Variants in DTNA observed in about 807,000 individuals in gnomAD.
The protein encoded by DTNA is dystrophin-related protein 3.
A neutral mutation model predicts 100.7 loss-of-function variants in DTNA; 43 were observed. That is an observed-to-expected ratio of 0.43 (90% CI 0.33 to 0.55). The LOEUF is 0.55. Among genes scored for constraint, DTNA ranks in the 20% least tolerant of loss-of-function variants. The probability of loss-of-function intolerance (pLI) is 0.04; values close to 1 mark genes in which losing one functional copy is unlikely to be tolerated. For missense variants in DTNA, 798 were observed against 953.9 expected, an observed-to-expected ratio of 0.84 and a Z score of 2.15; for synonymous variants, 349 against 347.9, an observed-to-expected ratio of 1.00 and a Z score of -0.04.
chr18:34,697,553 G>GA (rs113085537), intron 1 of DTNA, among the ~76,000 whole-genome samples: 3,689 of 152,104 alleles, frequency 0.024, 174 homozygotes, highest in African/African-American at 0.085. Context: ...TAGAAGGGGA[G>GA]AAAAAAGGTT....
chr18:34,869,838 G>A (rs1475044846), intron 17 of DTNA, among the ~76,000 whole-genome samples: 4 of 152,146 alleles, frequency 2.6e-5, no homozygotes, highest in Admixed American at 6.5e-5. Flanking sequence ...CGGCTAACAC[G>A]GTGAAACCCT....
Position 34,888,417 on chromosome 18 carries a change from C to T in DTNA, c.*683C>T. 1 of 985,806 alleles carries T rather than the reference C, an allele frequency of 1.0e-6. No individual in the cohort carries two copies. The highest frequency in any genetic ancestry group is 1.2e-6 in the Non-Finnish European group (1 of 829,922). 61.1% of individuals were successfully genotyped at this position (985,806 alleles called of 1,614,324 possible). On this transcript the variant is annotated 3_prime_UTR_variant, in exon 23 of 23. Transcript: ENST00000444659. ...GTAGTTGACTCCAAGTCTCTGTGAG[C>T]AGTGACTTGAACCAAACACACCAGG...
At chr18:34,641,343 A>T (rs2059257984) in intron 1 of DTNA, among the ~76,000 whole-genome samples, 1 of 152,142 alleles carries the variant, frequency 6.6e-6, no homozygotes, top group African/African-American at 2.4e-5. Flanking sequence ...TAATACTGGA[A>T]ATTTCTCCTC....
intron 1 of DTNA, among the ~76,000 whole-genome samples, chr18:34,531,543 T>C (rs548231343): frequency 6.6e-6 from 1 of 152,280 alleles, no homozygotes; most frequent in East Asian, 1.9e-4. Flanking sequence ...CTGTTATCTT[T>C]TTGTTTATTA....
intron 1 of DTNA, among the ~76,000 whole-genome samples, chr18:34,641,668 T>C (rs933545231): frequency 1.5e-4 from 23 of 152,246 alleles, no homozygotes; most frequent in African/African-American, 5.1e-4. Flanking sequence ...TTGAATATCA[T>C]TGCGTCTCAA....
intron 1 of DTNA, among the ~76,000 whole-genome samples, chr18:34,592,639 T>C (rs1221906702): frequency 6.6e-6 from 1 of 152,004 alleles, no homozygotes; most frequent in Non-Finnish European, 1.5e-5. Flanking sequence ...TTACAACAAG[T>C]TTTTCTCTAA....
At chr18:34,517,460 C>CATGT (rs57616989) in intron 1 of DTNA, among the ~76,000 whole-genome samples, 8 of 148,882 alleles carry the variant, frequency 5.4e-5, no homozygotes, top group African/African-American at 1.2e-4. Flanking sequence ...TTTATATACA[C>CATGT]GTGTGTGTGT....
rs562880917 is a variant in DTNA, at chr18:34,604,934, A to G, written c.-2+111420A>G. Among the ~76,000 whole-genome samples the G allele has an allele frequency of 2.8e-3, 420 of 152,230 alleles. 2 individuals are homozygous for G. Among genetic ancestry groups the G allele is most frequent in the African/African-American group, 9.2e-3 (382 of 41,552 alleles). ...TCAGAGAGTATGCTTTCTGAGAATTACCCATAACATTTCTTACAATAGGCT... is the reference window on the plus strand; with the variant it reads ...TCAGAGAGTATGCTTTCTGAGAATTGCCCATAACATTTCTTACAATAGGCT... On this transcript the variant is annotated intron_variant, in intron 1 of 19. Transcript: ENST00000283365.
chr18:34,499,818 G>A (rs1254193326), intron 1 of DTNA, among the ~76,000 whole-genome samples: 1 of 152,014 alleles, frequency 6.6e-6, no homozygotes, highest in Non-Finnish European at 1.5e-5. Flanking sequence ...TTGTTTGGGA[G>A]TTTTTTATGC....
chr18:34,818,060 C>A, intron 7 of DTNA, 104 bp from the exon 8 acceptor site: 1 of 1,600,934 alleles, frequency 6.2e-7, no homozygotes, highest in Non-Finnish European at 8.5e-7. Flanking sequence ...CATCTGAAAT[C>A]GTGGTGCAGA....
chr18:34,583,283 T>C (rs944703241), intron 1 of DTNA, among the ~76,000 whole-genome samples: 1 of 152,144 alleles, frequency 6.6e-6, no homozygotes, highest in Non-Finnish European at 1.5e-5. Flanking sequence ...CATTTTAGCA[T>C]TGGGTGTACT....
chr18:34,784,907 A>G (rs914425401), intron 3 of DTNA, among the ~76,000 whole-genome samples: 6 of 151,046 alleles, frequency 4.0e-5, no homozygotes, highest in African/African-American at 1.5e-4. Context: ...TGATTGATGC[A>G]TGGCAACTAG....
rs187158062 is a variant in DTNA at position 34,696,462 on chromosome 18, C to T, written c.-1-59514C>T. 2.3e-3 allele frequency among the ~76,000 whole-genome samples: 348 copies of T among 152,226 alleles called. 2 individuals are homozygous for T. Among genetic ancestry groups the T allele is most frequent in the South Asian group, 3.9e-3 (19 of 4,822 alleles). ...GCCTGGTGGCACATGCCTGTAGTCC[C>T]AGCTACTCGGGGAGCTGAGGCAAGA... On this transcript the variant is annotated intron_variant, in intron 1 of 19. Transcript: ENST00000283365.
chr18:34,864,193 T>C, intron 17 of DTNA, 131 bp downstream of exon 17: 2 of 771,226 alleles, frequency 2.6e-6, no homozygotes, highest in Non-Finnish European at 4.3e-6. Context: ...CAAGCTCAGA[T>C]GTAAAACAAT....
intron 1 of DTNA, among the ~76,000 whole-genome samples, chr18:34,638,961 C>T (rs2058958532): frequency 1.3e-5 from 2 of 152,266 alleles, no homozygotes; most frequent in East Asian, 1.9e-4. Flanking sequence ...CCAGCCTCAG[C>T]CTCCCGAGTA....
intron 3 of DTNA, among the ~76,000 whole-genome samples, chr18:34,789,553 G>T (rs539590160): frequency 6.6e-6 from 1 of 152,246 alleles, no homozygotes; most frequent in African/African-American, 2.4e-5. Flanking sequence ...GTGATTGTGT[G>T]AGTCATGTCT....
chr18:34,876,745 A>G (rs1000255637), intron 18 of DTNA, among the ~76,000 whole-genome samples: 2 of 152,190 alleles, frequency 1.3e-5, no homozygotes, highest in African/African-American at 4.8e-5. Flanking sequence ...AAAAGGAAGG[A>G]TCTATATTAG....
upstream of DTNA, chr18:34,708,255 T>G (rs2146384422): frequency 6.6e-6 from 1 of 152,328 alleles, no homozygotes; most frequent in Non-Finnish European, 1.5e-5. Context: ...TTGTTAGAGA[T>G]CAAGGTGACC....
rs761707471 is a variant in DTNA at position 34,806,204 on chromosome 18, A to G, written c.363-15A>G. 4.3e-6 allele frequency: 7 copies of G among 1,611,162 alleles called. No homozygotes were observed. The highest frequency in any genetic ancestry group is 2.2e-5 in the East Asian group (1 of 44,814). ...TTGTTTTTGTTTTTGTTTTTTTTCT[A>G]TTACCATTAAACAGGGAAGGCCATG... On this transcript the variant is annotated splice_polypyrimidine_tract_variant and intron_variant, in intron 4 of 22. Coordinates refer to ENST00000444659, the MANE Select transcript of DTNA (RefSeq NM_001386795.1).
Sources: allele counts gnomAD v4.1 joint callset (sites outside exome capture counted in the v4.1 genomes callset), GRCh38; gene constraint gnomAD v4.1.1; transcripts MANE v1.5; gene names NCBI Gene and HGNC (gene_info 2026-07-23, HGNC 2026-07-21).